BCAS3: variants seen among roughly 807,000 people sequenced by gnomAD.
BCAS3 encodes BCAS4/BCAS3 fusion.
In BCAS3, 53 loss-of-function variants were observed where a neutral mutation model predicts 116.1. The ratio of observed to expected loss-of-function variants is 0.46; its 90% CI spans 0.37 to 0.57. The LOEUF (loss-of-function observed/expected upper bound fraction) is 0.57. BCAS3 is among the 20% of genes least tolerant of loss of function. BCAS3 has a pLI of 0.00. For synonymous variants in BCAS3, 391 were observed against 408.2 expected, an observed-to-expected ratio of 0.96 and a Z score of 0.51; for missense variants, 917 against 1,165.4, an observed-to-expected ratio of 0.79 and a Z score of 3.10.
At chr17:60,693,480 A>G (rs950680941) in intron 4 of BCAS3, among the ~76,000 whole-genome samples, 1 of 150,810 alleles carries the variant, frequency 6.6e-6, no homozygotes, top group Non-Finnish European at 1.5e-5. Flanking sequence ...CTGAACTTGA[A>G]CTTGGCTCAC....
At chr17:61,318,703 C>T (rs1338741134) in intron 22 of BCAS3, among the ~76,000 whole-genome samples, 1 of 152,168 alleles carries the variant, frequency 6.6e-6, no homozygotes, top group African/African-American at 2.4e-5. Context: ...CAGAGTTGTC[C>T]ACCTGCAACT....
In BCAS3 at chr17:60,990,995, G is replaced by A. The variant is rs1182799525; in HGVS notation, c.1486+760G>A. ...GGCGGGATTTCTGCTGTGTATCTCA[G>A]TAATTTATCTTAGAGCAAGTAGCTG... On this transcript the variant is annotated intron_variant, in intron 15 of 23. Coordinates refer to ENST00000407086, the MANE Select transcript of BCAS3 (RefSeq NM_017679.5). The surrounding 1 kb of genome is among the most constrained non-coding windows in gnomAD (Gnocchi z 5.1). Among the ~76,000 whole-genome samples, 2 of 152,130 alleles carry A rather than the reference G, an allele frequency of 1.3e-5. No individual in the cohort carries two copies. The highest frequency in any genetic ancestry group is 2.4e-5 in the African/African-American group (1 of 41,426).
At chr17:60,959,039 A>AC (rs2061284410) in intron 14 of BCAS3, among the ~76,000 whole-genome samples, 1 of 152,166 alleles carries the variant, frequency 6.6e-6, no homozygotes, top group African/African-American at 2.4e-5. Context: ...CCAAGGTTGG[A>AC]CACAGTTATA....
rs2143037985 is a variant in BCAS3, at chr17:61,325,395, G to C, written c.2426-42932G>C. On this transcript the variant is annotated intron_variant, in intron 22 of 23. Coordinates refer to ENST00000407086, the MANE Select transcript of BCAS3 (RefSeq NM_017679.5). This position sits in a 1 kb window ranked among gnomAD's most constrained non-coding sequence, Gnocchi z 6.4. ...CCCTGAACAGTTATTAGGGCTCACAGGGCTTGCAGGGTGACCCTCTGCTCC... is the reference window on the plus strand; with the variant it reads ...CCCTGAACAGTTATTAGGGCTCACACGGCTTGCAGGGTGACCCTCTGCTCC... 6.6e-6 allele frequency among the ~76,000 whole-genome samples: 1 copy of C among 152,304 alleles called. No individual in the cohort carries two copies.
rs2074615844 is a variant in BCAS3, at chr17:61,105,899, C to T, written c.2425+21335C>T. On this transcript the variant is annotated intron_variant, in intron 22 of 23. Coordinates refer to ENST00000407086, the MANE Select transcript of BCAS3 (RefSeq NM_017679.5). The surrounding 1 kb of genome is among the most constrained non-coding windows in gnomAD (Gnocchi z 4.3). ...ATTTAAAATATTGTCCAGAAATAAACAATTCATACATGTTCAATTTTGTGC... is the reference window on the plus strand; with the variant it reads ...ATTTAAAATATTGTCCAGAAATAAATAATTCATACATGTTCAATTTTGTGC... 6.6e-6 allele frequency among the ~76,000 whole-genome samples: 1 copy of T among 152,122 alleles called. No individual in the cohort carries two copies. The highest frequency in any genetic ancestry group is 2.4e-5 in the African/African-American group (1 of 41,442).
intron 9 of BCAS3, among the ~76,000 whole-genome samples, chr17:60,889,007 G>A (rs1314373753): frequency 1.3e-5 from 2 of 152,160 alleles, no homozygotes; most frequent in Admixed American, 6.5e-5. Flanking sequence ...AGTCAGCGGC[G>A]AAGAAAACCG....
intron 22 of BCAS3, among the ~76,000 whole-genome samples, chr17:61,334,218 T>C (rs1039883862): frequency 6.6e-6 from 1 of 152,102 alleles, no homozygotes; most frequent in Non-Finnish European, 1.5e-5. Flanking sequence ...AGGGAGGATA[T>C]GGGGATCAAT....
chr17:60,804,603 C>T (rs990554335), intron 6 of BCAS3, among the ~76,000 whole-genome samples: 7 of 151,996 alleles, frequency 4.6e-5, no homozygotes, highest in East Asian at 1.9e-4. Flanking sequence ...TAGTGTAATT[C>T]GTTGTGTTGT....
intron 6 of BCAS3, among the ~76,000 whole-genome samples, chr17:60,757,437 T>TGTGTGTGTGTGTG (rs2043119611): frequency 1.3e-5 from 2 of 151,070 alleles, no homozygotes; most frequent in South Asian, 2.1e-4. Flanking sequence ...TGTGTGTGTG[T>TGTGTGTGTGTGTG]TTTCTTTTAA....
Position 61,060,599 on chromosome 17 carries a change from C to CT in BCAS3, c.2030-14320dup, listed in dbSNP as rs745500450. 1.6e-4 allele frequency among the ~76,000 whole-genome samples: 25 copies of CT among 152,300 alleles called. No homozygotes were observed. The East Asian group carries it at 4.8e-3, about 29-fold the overall frequency. ...AGCCAAGAAGAGTCAAGATGACTCTCTGTCAGTCTGCAGGTCAAGAAATGG... is the reference window on the plus strand; with the variant it reads ...AGCCAAGAAGAGTCAAGATGACTCTCTTGTCAGTCTGCAGGTCAAGAAATGG... On this transcript the variant is annotated intron_variant, in intron 19 of 23. Coordinates refer to ENST00000407086, the MANE Select transcript of BCAS3 (RefSeq NM_017679.5).
chr17:60,748,197 G>A (rs1387481487), intron 6 of BCAS3, among the ~76,000 whole-genome samples: 2 of 152,290 alleles, frequency 1.3e-5, no homozygotes, highest in Admixed American at 6.5e-5. Context: ...TGAGAAAGAT[G>A]TTTTTGAAAA....
intron 11 of BCAS3, among the ~76,000 whole-genome samples, chr17:60,903,593 G>A (rs771799539): frequency 2.6e-5 from 4 of 152,176 alleles, no homozygotes; most frequent in African/African-American, 9.6e-5. Flanking sequence ...GACTACGGGC[G>A]CATGCCGCCA....
chr17:60,712,928 G>A (rs552796803), intron 5 of BCAS3, among the ~76,000 whole-genome samples: 109 of 152,298 alleles, frequency 7.2e-4, no homozygotes, highest in African/African-American at 2.5e-3. Context: ...TGATTCACTT[G>A]GGAAGTGGGA....
intron 22 of BCAS3, among the ~76,000 whole-genome samples, chr17:61,085,176 A>G (rs2072982534): frequency 6.6e-6 from 1 of 152,130 alleles, no homozygotes; most frequent in Non-Finnish European, 1.5e-5. Flanking sequence ...GGCCTACTAA[A>G]TGGTAGAATT....
Position 61,084,934 on chromosome 17 carries a change from C to T in BCAS3, c.2425+370C>T, listed in dbSNP as rs974438412. Among the ~76,000 whole-genome samples, 6 of 152,102 alleles carry T rather than the reference C, an allele frequency of 3.9e-5. No homozygotes were observed. The highest frequency in any genetic ancestry group is 8.8e-5 in the Non-Finnish European group (6 of 68,022). ...ACTCAACCTGTTGAGTATCAAAGTG[C>T]CTAATCTGTGGGAGTAGAGAGGAGA... On this transcript the variant is annotated intron_variant, in intron 22 of 23. Transcript: ENST00000407086. This position sits in a 1 kb window ranked among gnomAD's most constrained non-coding sequence, Gnocchi z 5.5.
Position 61,367,637 on chromosome 17 carries a change from G to A in BCAS3, c.2426-690G>A, listed in dbSNP as rs933739919. 9.9e-5 allele frequency: 15 copies of A among 152,136 alleles called. No homozygotes were observed. The highest frequency in any genetic ancestry group is 3.4e-4 in the African/African-American group (14 of 41,406). 9.4% of individuals were successfully genotyped at this position (152,136 alleles called of 1,614,324 possible). A position where few individuals can be genotyped will look rare whatever the true frequency, so the allele number is the denominator to read the frequency against. On this transcript the variant is annotated intron_variant, in intron 22 of 23. Coordinates refer to ENST00000407086, the MANE Select transcript of BCAS3 (RefSeq NM_017679.5). The surrounding 1 kb of genome is among the most constrained non-coding windows in gnomAD (Gnocchi z 6.2). The stretch of plus-strand genomic sequence containing the variant: ...TTCTCAACTGAGGCATCAGGAGAGC[G>A]AGTTCTTGGACCTCGTCTGCCACAG...
intron 9 of BCAS3, among the ~76,000 whole-genome samples, chr17:60,880,381 C>T (rs551629178): frequency 2.6e-5 from 4 of 152,184 alleles, no homozygotes; most frequent in Non-Finnish European, 4.4e-5. Flanking sequence ...CTCCATCTCC[C>T]GGCTTCAAGT....
At chr17:60,827,601 G>A (rs926844013) in intron 7 of BCAS3, among the ~76,000 whole-genome samples, 1 of 152,048 alleles carries the variant, frequency 6.6e-6, no homozygotes, top group South Asian at 2.1e-4. Flanking sequence ...TATGATGAAC[G>A]GCATATATTT....
At chr17:61,060,782 A>G (rs1055608847) in intron 19 of BCAS3, among the ~76,000 whole-genome samples, 2 of 152,240 alleles carry the variant, frequency 1.3e-5, no homozygotes, top group African/African-American at 2.4e-5. Flanking sequence ...TAAGAAAGTC[A>G]TTCACTATTG....
Sources: allele counts gnomAD v4.1 joint callset (sites outside exome capture counted in the v4.1 genomes callset), GRCh38; gene constraint gnomAD v4.1.1; non-coding constraint Gnocchi (gnomAD v3.1); transcripts MANE v1.5; gene names NCBI Gene and HGNC (gene_info 2026-07-23, HGNC 2026-07-21).